The following SLC25A26 variants were observed in gnomAD, a reference collection of about 807,000 sequenced individuals.
SLC25A26 encodes solute carrier family 25 member 26, also known as mitochondrial S-adenosylmethionine carrier protein.
In SLC25A26, 36 loss-of-function variants were observed where a neutral mutation model predicts 37.8. That is an observed-to-expected ratio of 0.95 (90% CI 0.73 to 1.26). The LOEUF is 1.26. Ranked by LOEUF, SLC25A26 falls within the 50% of genes most tolerant of loss-of-function variation. SLC25A26 has a pLI of 0.00. For synonymous variants in SLC25A26, 129 were observed against 122.5 expected (o/e 1.05, Z -0.35); for missense variants, 390 against 331.1 (o/e 1.18, Z -1.38).
intron 9 of SLC25A26, among the ~76,000 whole-genome samples, chr3:66,371,880 C>A (rs555556479): frequency 2.0e-5 from 3 of 151,978 alleles, no homozygotes; most frequent in Admixed American, 6.5e-5. Flanking sequence ...GAGGGTCGCT[C>A]GAAGTTAGGA....
chr3:66,230,826 A>AC (rs1349274936), intron 1 of SLC25A26, among the ~76,000 whole-genome samples: 6 of 150,530 alleles, frequency 4.0e-5, no homozygotes, highest in Middle Eastern at 3.4e-3. Context: ...AAAACAAAAA[A>AC]AAACCAGAAT....
At chr3:66,200,455 T>G (rs2071094573) in intron 1 of SLC25A26, among the ~76,000 whole-genome samples, 1 of 152,194 alleles carries the variant, frequency 6.6e-6, no homozygotes, top group Non-Finnish European at 1.5e-5. Flanking sequence ...TGGATCCAAG[T>G]GTCATGGCCA....
intron 1 of SLC25A26, among the ~76,000 whole-genome samples, chr3:66,189,335 C>T (rs1291512400): frequency 1.3e-5 from 2 of 151,968 alleles, no homozygotes; most frequent in Non-Finnish European, 2.9e-5. Flanking sequence ...CCAACTTGAT[C>T]CCCAAATACA....
At chr3:66,171,220 T>C (rs1422478425) in intron 1 of SLC25A26, among the ~76,000 whole-genome samples, 1 of 152,216 alleles carries the variant, frequency 6.6e-6, no homozygotes, top group Non-Finnish European at 1.5e-5. Flanking sequence ...TGGACCAGAA[T>C]GTAGCATGGG....
At chr3:66,253,622 C>G (rs1025899459) in intron 3 of SLC25A26, among the ~76,000 whole-genome samples, 1 of 152,134 alleles carries the variant, frequency 6.6e-6, no homozygotes, top group African/African-American at 2.4e-5. Flanking sequence ...AGAAGGCATA[C>G]TGCCTGACTG....
intron 5 of SLC25A26, among the ~76,000 whole-genome samples, chr3:66,265,501 G>A (rs1313728952): frequency 6.6e-6 from 1 of 152,160 alleles, no homozygotes; most frequent in African/African-American, 2.4e-5. Flanking sequence ...CATCTGCTCT[G>A]CATCTGCGTT....
intron 5 of SLC25A26, among the ~76,000 whole-genome samples, chr3:66,321,150 C>A (rs1315135299): frequency 6.6e-6 from 1 of 152,188 alleles, no homozygotes; most frequent in Admixed American, 6.5e-5. Flanking sequence ...AGACCAAGAG[C>A]ATTATTAGCA....
chr3:66,194,801 G>T (rs982746834), intron 1 of SLC25A26, among the ~76,000 whole-genome samples: 1,536 of 152,274 alleles, frequency 0.01, 28 homozygotes, highest in African/African-American at 0.035. Context: ...GGGTTTCTTC[G>T]TGTTGGCCAG....
At chr3:66,374,697 A>C (rs1248903556) in intron 9 of SLC25A26, among the ~76,000 whole-genome samples, 1 of 152,188 alleles carries the variant, frequency 6.6e-6, no homozygotes, top group Non-Finnish European at 1.5e-5. Context: ...CAGCCTAGGC[A>C]ACATGCCAAA....
At chr3:66,310,856 G>A (rs11719304) in intron 5 of SLC25A26, among the ~76,000 whole-genome samples, 4,577 of 152,302 alleles carry the variant, frequency 0.03, 99 homozygotes, top group Non-Finnish European at 0.048. Flanking sequence ...TCTACAGAGA[G>A]ATCTGCTGTT....
At chr3:66,350,793 A>G (rs17774156) in intron 6 of SLC25A26, among the ~76,000 whole-genome samples, 43,863 of 151,670 alleles carry the variant, frequency 0.29, 7,300 homozygotes, top group East Asian at 0.69. Flanking sequence ...TACTGCCTCT[A>G]AATATGTTCT....
At chr3:66,147,070 TTCCCTTCCCTCCCCTCCCCTCCCCTC>T (rs2070126406) in intron 1 of SLC25A26, among the ~76,000 whole-genome samples, 5 of 17,870 alleles carry the variant, frequency 2.8e-4, no homozygotes, top group South Asian at 4.3e-3. Context: ...TTCCCTCCCC[TTCCCTTCCCTCCCCTCCCCTCCCCTC>T]CCCTCCCCTC....
At chr3:66,271,476 G>A (rs2073957149) in intron 5 of SLC25A26, among the ~76,000 whole-genome samples, 1 of 152,138 alleles carries the variant, frequency 6.6e-6, no homozygotes, top group Admixed American at 6.5e-5. Flanking sequence ...TATGAAGAAG[G>A]GGAAGGGCAT....
In SLC25A26 at chr3:66,338,747, C is replaced by T. The variant is rs118006219; in HGVS notation, c.454-7617C>T. On this transcript the variant is annotated intron_variant, in intron 5 of 9. Coordinates refer to ENST00000354883, the MANE Select transcript of SLC25A26 (RefSeq NM_001379210.1). ...ACTACAGCTTCTAACGCAGTTCCCA[C>T]ACAAACTACAACTTCTAATGTAGCT... 1.2e-4 allele frequency among the ~76,000 whole-genome samples: 19 copies of T among 152,126 alleles called. No homozygotes were observed. In the East Asian group the frequency reaches 3.5e-3, roughly 28 times the overall value.
At chr3:66,169,155 G>A (rs1409380953) in intron 1 of SLC25A26, among the ~76,000 whole-genome samples, 2 of 152,082 alleles carry the variant, frequency 1.3e-5, no homozygotes, top group African/African-American at 2.4e-5. Context: ...GTTCTTTCTT[G>A]ACATCTTTTG....
chr3:66,369,078 T>TAGAAAGC (rs1700201813), intron 7 of SLC25A26, among the ~76,000 whole-genome samples: 1 of 145,880 alleles, frequency 6.9e-6, no homozygotes, highest in African/African-American at 2.6e-5. Context: ...GACAGTGGCC[T>TAGAAAGC]ATAGAAAGTC....
In SLC25A26 at chr3:66,281,323, T is replaced by C. The variant is rs78274898; in HGVS notation, c.453+17944T>C. Reference sequence around the variant, plus strand: ...CACTAAAGGTTCAATTATCCTTTGATGTTAAGAGGCAATCTATGCGGTAAT... The same window carrying C: ...CACTAAAGGTTCAATTATCCTTTGACGTTAAGAGGCAATCTATGCGGTAAT... On this transcript the variant is annotated intron_variant, in intron 5 of 9. Transcript: ENST00000354883. 3.1e-3 allele frequency among the ~76,000 whole-genome samples: 462 copies of C among 151,216 alleles called. 3 individuals carry two copies. The highest frequency in any genetic ancestry group is 0.017 in the East Asian group (88 of 5,182).
chr3:66,355,621 C>T (rs972193839), intron 6 of SLC25A26, among the ~76,000 whole-genome samples: 4 of 152,256 alleles, frequency 2.6e-5, no homozygotes, highest in African/African-American at 9.6e-5. Flanking sequence ...AACTTGCTAT[C>T]AGAAATCTCT....
intron 1 of SLC25A26, among the ~76,000 whole-genome samples, chr3:66,205,859 A>T (rs1419143270): frequency 6.6e-6 from 1 of 152,176 alleles, no homozygotes; most frequent in South Asian, 2.1e-4. Flanking sequence ...GGACCCTGAG[A>T]GAAGGACTTG....
Sources: gnomAD v4.1 joint callset for allele counts (sites outside exome capture counted in the v4.1 genomes callset) on GRCh38, gnomAD v4.1.1 for gene constraint, MANE v1.5 for transcripts, NCBI Gene and HGNC (gene_info 2026-07-23, HGNC 2026-07-21) for gene names.